The following LPA variants were observed in gnomAD, a reference collection of about 807,000 sequenced individuals.
The protein encoded by LPA is apolipoprotein(a).
Under a neutral mutation model 197.9 loss-of-function variants are expected in LPA, and 199 were observed. The observed-to-expected ratio is 1.01, with a 90% CI of 0.90 to 1.13. LPA has a LOEUF of 1.13. Ranked by LOEUF, LPA falls within the 50% of genes most tolerant of loss-of-function variation. LPA has a pLI of 0.00. For synonymous variants in LPA, 715 were observed against 639.5 expected (o/e 1.12, Z -1.78); for missense variants, 1,853 against 1,785.8 (o/e 1.04, Z -0.68).
intron 1 of LPA, among the ~76,000 whole-genome samples, chr6:160,662,374 A>C (rs1780241235): frequency 6.6e-6 from 1 of 152,202 alleles, no homozygotes; most frequent in Non-Finnish European, 1.5e-5. Flanking sequence ...TTGTGAATAG[A>C]AGATGTTTCT....
chr6:160,554,817 C>T (rs113710410), intron 30 of LPA, among the ~76,000 whole-genome samples: 7 of 151,982 alleles, frequency 4.6e-5, no homozygotes. Flanking sequence ...ATAGAAAATA[C>T]ACATTTTCTT....
At chr6:160,567,610 A>C (rs1044211717) in intron 28 of LPA, among the ~76,000 whole-genome samples, 6 of 152,150 alleles carry the variant, frequency 3.9e-5, no homozygotes, top group South Asian at 2.1e-4. Context: ...CAAACACATT[A>C]AAAAGCTAGC....
In LPA at chr6:160,599,557, G is replaced by T. The variant is rs748735624; in HGVS notation, c.3230C>A (p.Ala1077Asp). 1 of 1,614,112 alleles carries T rather than the reference G, an allele frequency of 6.2e-7. No individual in the cohort carries two copies. Among genetic ancestry groups the T allele is most frequent in the Admixed American group, 1.7e-5 (1 of 60,024 alleles). Residue 1077 changes from alanine (A) to aspartate (D), a missense_variant, in exon 20 of 39, where the codon GCT (alanine) becomes GAT (aspartate). Coordinates refer to ENST00000316300, the MANE Select transcript of LPA (RefSeq NM_005577.4). ...STTVTGRTCQ[A>D]WSSMTPHQHS... ...CTGGTGTGGTGTCATAGATGACCAA[G>T]CTTGGCAAGTTCTTCCTGTGACAGT... is the stretch of plus-strand genomic sequence containing the variant.
intron 29 of LPA, 117 bp downstream of exon 29, chr6:160,557,273 C>G (rs1778279746): frequency 6.3e-6 from 8 of 1,262,012 alleles, no homozygotes; most frequent in Middle Eastern, 2.4e-4. Flanking sequence ...GGCTTCTTTC[C>G]ACCTGCCATA....
At chr6:160,611,015 G>A (rs1231351509) in intron 16 of LPA, among the ~76,000 whole-genome samples, 1 of 152,048 alleles carries the variant, frequency 6.6e-6, no homozygotes, top group East Asian at 1.9e-4. Flanking sequence ...ACTCTCATCT[G>A]CCTTCCTTCC....
At chr6:160,576,340 GTATATA>G (rs71542980) in intron 28 of LPA, among the ~76,000 whole-genome samples, 18 of 40,418 alleles carry the variant, frequency 4.5e-4, no homozygotes, top group Middle Eastern at 0.012. Context: ...GTGTGTGTGT[GTATATA>G]TATATATATA....
Position 160,561,585 on chromosome 6 carries a change from T to C in LPA, c.4632-4014A>G, listed in dbSNP as rs549487952. Among the ~76,000 whole-genome samples, 18 of 152,362 alleles carry C rather than the reference T, an allele frequency of 1.2e-4. No individual in the cohort carries two copies. The East Asian group carries it at 3.3e-3, about 28-fold the overall frequency. On this transcript the variant is annotated intron_variant, in intron 28 of 38. Transcript: ENST00000316300. ...TTTCTATTCCATATGAAATTGAAAG[T>C]AGTTTTTTCTAATTATGTGAAGAAA...
chr6:160,597,145 G>T (rs538877882), intron 20 of LPA, among the ~76,000 whole-genome samples: 1 of 152,116 alleles, frequency 6.6e-6, no homozygotes, highest in East Asian at 1.9e-4. Context: ...ATGTGTACTC[G>T]GTAGTTCGGT....
intron 16 of LPA, 45 bp from the exon 17 acceptor site, chr6:160,606,703 T>C (rs776233976): frequency 1.2e-6 from 2 of 1,605,396 alleles, no homozygotes; most frequent in East Asian, 4.5e-5. Flanking sequence ...TGGGACAATA[T>C]GCAGGGGCAC....
chr6:160,546,743 G>A (rs1480598269), intron 32 of LPA, among the ~76,000 whole-genome samples: 1 of 152,174 alleles, frequency 6.6e-6, no homozygotes, highest in Non-Finnish European at 1.5e-5. Flanking sequence ...CGCTTGGGGT[G>A]TGAGGAGAAA....
rs758789292 is a variant in LPA, at chr6:160,537,850, C to T, written c.5842+5G>A. 1.2e-6 allele frequency: 2 copies of T among 1,613,446 alleles called. No homozygotes were observed. Among genetic ancestry groups the T allele is most frequent in the Admixed American group, 1.7e-5 (1 of 60,014 alleles). On this transcript the variant is annotated splice_donor_5th_base_variant and intron_variant, in intron 37 of 38. Transcript: ENST00000316300. ...TTGTTACGTGGGCAATGGAATTGATCTCACCTTGGGTTTCTCCCCAGCCAG... is the reference window on the plus strand; with the variant it reads ...TTGTTACGTGGGCAATGGAATTGATTTCACCTTGGGTTTCTCCCCAGCCAG...
intron 24 of LPA, among the ~76,000 whole-genome samples, chr6:160,587,195 G>A (rs1234322235): frequency 6.6e-6 from 1 of 152,192 alleles, no homozygotes; most frequent in Non-Finnish European, 1.5e-5. Context: ...TCTCTCTCCT[G>A]TTACTCATGA....
At chr6:160,594,277 A>G (rs1779088353) in intron 21 of LPA, among the ~76,000 whole-genome samples, 160 bp from the exon 22 acceptor site, 1 of 152,222 alleles carries the variant, frequency 6.6e-6, no homozygotes, top group Admixed American at 6.5e-5. Flanking sequence ...AAACCCAAAG[A>G]TTCATAGCAT....
intron 7 of LPA, among the ~76,000 whole-genome samples, 174 bp downstream of exon 7, chr6:160,634,949 G>A (rs1294874851): frequency 6.7e-6 from 1 of 150,264 alleles, no homozygotes; most frequent in Non-Finnish European, 1.5e-5. Flanking sequence ...AGTTGCACCA[G>A]AAATCACTCC....
chr6:160,551,620 G>A (rs1157214904), intron 30 of LPA, among the ~76,000 whole-genome samples: 4 of 152,204 alleles, frequency 2.6e-5, no homozygotes, highest in Admixed American at 1.3e-4. Context: ...CCAAGGTTGT[G>A]AAGATTTTAT....
chr6:160,544,890 G>A (rs1416700405), intron 33 of LPA, among the ~76,000 whole-genome samples: 1 of 152,142 alleles, frequency 6.6e-6, no homozygotes, highest in Non-Finnish European at 1.5e-5. Flanking sequence ...AACCTAACAA[G>A]CAGTCTCTAA....
chr6:160,563,052 G>A lies in LPA; in HGVS notation c.4632-5481C>T, dbSNP rs149471375. ...TTTATTAATTTTTTAAAGGGTTTTC[G>A]TGTCTTTATCCCCTTCAGTTCTGCT... On this transcript the variant is annotated intron_variant, in intron 28 of 38. Coordinates refer to ENST00000316300, the MANE Select transcript of LPA (RefSeq NM_005577.4). 5.4e-3 allele frequency among the ~76,000 whole-genome samples: 825 copies of A among 151,954 alleles called. 15 individuals carry two copies. The highest frequency in any genetic ancestry group is 0.019 in the African/African-American group (806 of 41,458).
intron 26 of LPA, among the ~76,000 whole-genome samples, chr6:160,584,203 CTT>C (rs1778854236): frequency 8.2e-6 from 1 of 121,620 alleles, no homozygotes; most frequent in African/African-American, 3.1e-5. Context: ...TCTTCTTCTT[CTT>C]CTTCTTCTTC....
At chr6:160,598,552 GT>G (rs897069537) in intron 20 of LPA, among the ~76,000 whole-genome samples, 1 of 152,166 alleles carries the variant, frequency 6.6e-6, no homozygotes, top group African/African-American at 2.4e-5. Context: ...TGTGGAAACC[GT>G]TTTGCCGTGT....
Sources: gnomAD v4.1 joint callset for allele counts (sites outside exome capture counted in the v4.1 genomes callset) on GRCh38, gnomAD v4.1.1 for gene constraint, MANE v1.5 for transcripts, NCBI Gene and HGNC (gene_info 2026-07-23, HGNC 2026-07-21) for gene names.